The following SLC35F1 variants were observed in gnomAD, a reference collection of about 807,000 sequenced individuals.
SLC35F1 encodes the protein solute carrier family 35 member F1.
In SLC35F1, 14 loss-of-function variants were observed where a neutral mutation model predicts 48.7. That is an observed-to-expected ratio of 0.29 (90% confidence interval 0.19 to 0.45). The LOEUF is 0.45. Ranked by LOEUF, SLC35F1 falls within the 20% of genes least tolerant of loss-of-function variation. SLC35F1 has a pLI of 1.00. For synonymous variants in SLC35F1, 190 were observed against 202.2 expected (o/e 0.94, Z 0.51); for missense variants, 404 against 500.0 (o/e 0.81, Z 1.83).
intron 1 of SLC35F1, among the ~76,000 whole-genome samples, chr6:118,023,386 A>C (rs761643964): frequency 1.1e-4 from 16 of 152,164 alleles, no homozygotes; most frequent in Non-Finnish European, 2.4e-4. Flanking sequence ...CATAGGACCC[A>C]GGCCTGTGAA....
At chr6:117,953,008 T>A (rs1776383414) in intron 1 of SLC35F1, among the ~76,000 whole-genome samples, 2 of 152,148 alleles carry the variant, frequency 1.3e-5, no homozygotes, top group South Asian at 2.1e-4. Flanking sequence ...GCGAGAGAAG[T>A]GAGCAGGAAG....
rs1048276952 is a variant in SLC35F1 at position 118,316,430 on chromosome 6, G to A, written c.*2178G>A. The A allele has an allele frequency of 6.6e-6, 1 of 152,542 alleles. No individual in the cohort carries two copies. The highest frequency in any genetic ancestry group is 1.5e-5 in the Non-Finnish European group (1 of 68,020). 9.4% of individuals were successfully genotyped at this position (152,542 alleles called of 1,614,324 possible). On this transcript the variant is annotated 3_prime_UTR_variant, in exon 8 of 8. Transcript: ENST00000360388. ...CTGAATATTTTGTCCATTCAGATCC[G>A]AAGACCTTTAAAGACTGTGGTTTTA... is the stretch of plus-strand genomic sequence containing the variant.
chr6:118,165,668 C>T (rs1272762027), intron 2 of SLC35F1, among the ~76,000 whole-genome samples: 1 of 152,266 alleles, frequency 6.6e-6, no homozygotes, highest in East Asian at 1.9e-4. Flanking sequence ...CTGGGAACAC[C>T]TAATTTCCAT....
At chr6:118,050,232 G>T (rs1226958404) in intron 1 of SLC35F1, among the ~76,000 whole-genome samples, 1 of 152,074 alleles carries the variant, frequency 6.6e-6, no homozygotes, top group Non-Finnish European at 1.5e-5. Context: ...GGAGGAGGGG[G>T]GAGGGATAGC....
chr6:118,282,100 G>A (rs1235011206), intron 6 of SLC35F1, among the ~76,000 whole-genome samples: 1 of 152,184 alleles, frequency 6.6e-6, no homozygotes, highest in Non-Finnish European at 1.5e-5. Flanking sequence ...TGTAGTTACT[G>A]CAGCCATTTT....
At chr6:117,952,068 G>A (rs904141082) in intron 1 of SLC35F1, among the ~76,000 whole-genome samples, 1 of 152,174 alleles carries the variant, frequency 6.6e-6, no homozygotes, top group African/African-American at 2.4e-5. Context: ...ATTAATGAAT[G>A]TATCTCTCTC....
At chr6:117,983,359 G>C (rs984640496) in intron 1 of SLC35F1, among the ~76,000 whole-genome samples, 3 of 152,026 alleles carry the variant, frequency 2.0e-5, no homozygotes, top group African/African-American at 7.2e-5. Flanking sequence ...GGCGGATCAC[G>C]AGGTCAGGAG....
At chr6:117,919,989 A>G (rs1216672793) in intron 1 of SLC35F1, among the ~76,000 whole-genome samples, 2 of 152,176 alleles carry the variant, frequency 1.3e-5, no homozygotes, top group African/African-American at 2.4e-5. Context: ...GGATGGATAG[A>G]GCGGCTCAGA....
At chr6:118,300,720 A>G (rs1368976961) in intron 7 of SLC35F1, among the ~76,000 whole-genome samples, 2 of 152,240 alleles carry the variant, frequency 1.3e-5, no homozygotes, top group Non-Finnish European at 2.9e-5. Context: ...CTATTGTTAT[A>G]TTTAAGAACT....
intron 7 of SLC35F1, among the ~76,000 whole-genome samples, chr6:118,300,159 A>T (rs908424846): frequency 2.6e-5 from 4 of 152,216 alleles, no homozygotes; most frequent in Non-Finnish European, 4.4e-5. Flanking sequence ...ACTGAACCTT[A>T]TACAGACCAT....
intron 3 of SLC35F1, among the ~76,000 whole-genome samples, chr6:118,247,352 T>A (rs1775520454): frequency 6.6e-6 from 1 of 152,160 alleles, no homozygotes; most frequent in Admixed American, 6.5e-5. Context: ...TTAATGACGC[T>A]GCTGCTAGAT....
At chr6:118,122,258 A>G (rs1054674351) in intron 1 of SLC35F1, among the ~76,000 whole-genome samples, 15 of 151,144 alleles carry the variant, frequency 9.9e-5, no homozygotes, top group African/African-American at 3.4e-4. Flanking sequence ...AAAAAAAAAA[A>G]CATGAAAATG....
chr6:118,031,711 C>A (rs113274461), intron 1 of SLC35F1, among the ~76,000 whole-genome samples: 20 of 152,224 alleles, frequency 1.3e-4, no homozygotes, highest in African/African-American at 4.8e-4. Flanking sequence ...GAGTGTGCTG[C>A]GAGTAGCAGC....
At chr6:117,915,723 A>G (rs538950820) in intron 1 of SLC35F1, among the ~76,000 whole-genome samples, 1 of 152,360 alleles carries the variant, frequency 6.6e-6, no homozygotes, top group South Asian at 2.1e-4. Flanking sequence ...GAGAAATGAC[A>G]TGATCAGAGA....
chr6:118,034,130 A>AT (rs370153586), intron 1 of SLC35F1, among the ~76,000 whole-genome samples: 18 of 152,018 alleles, frequency 1.2e-4, no homozygotes, highest in Admixed American at 6.6e-4. Context: ...AAGGATAGCA[A>AT]TTTTTTTTGT....
chr6:118,030,300 T>C (rs1772026769), intron 1 of SLC35F1, among the ~76,000 whole-genome samples: 1 of 152,170 alleles, frequency 6.6e-6, no homozygotes, highest in Non-Finnish European at 1.5e-5. Flanking sequence ...CTCCTAGCAC[T>C]GGGGCATTGA....
chr6:118,297,864 T>A (rs1389262888), intron 7 of SLC35F1, among the ~76,000 whole-genome samples: 1 of 150,902 alleles, frequency 6.6e-6, no homozygotes, highest in African/African-American at 2.4e-5. Flanking sequence ...TGAAATGTAA[T>A]CTGCAATGTT....
intron 2 of SLC35F1, among the ~76,000 whole-genome samples, chr6:118,234,773 C>T (rs1254335087): frequency 6.6e-6 from 1 of 152,142 alleles, no homozygotes; most frequent in Non-Finnish European, 1.5e-5. Flanking sequence ...TATTATTGTT[C>T]CTGATCATGA....
chr6:117,984,228 G>A (rs867367846), intron 1 of SLC35F1, among the ~76,000 whole-genome samples: 6 of 152,114 alleles, frequency 3.9e-5, no homozygotes, highest in Admixed American at 1.3e-4. Context: ...TGCAAGCTAA[G>A]AATTGTTTTC....
Sources: gnomAD v4.1 joint callset for allele counts (sites outside exome capture counted in the v4.1 genomes callset) on GRCh38, gnomAD v4.1.1 for gene constraint, MANE v1.5 for transcripts, NCBI Gene and HGNC (gene_info 2026-07-23, HGNC 2026-07-21) for gene names.